The following STX7 variants were observed in gnomAD, a reference collection of about 807,000 sequenced individuals.
The protein encoded by STX7 is syntaxin 7.
A neutral mutation model predicts 39.6 loss-of-function variants in STX7; 34 were observed. The ratio of observed to expected loss-of-function variants is 0.86; its 90% CI spans 0.65 to 1.14. The LOEUF is 1.14. Ranked by LOEUF, STX7 falls within the 50% of genes most tolerant of loss-of-function variation. The pLI is 0.00. For synonymous variants in STX7, 119 were observed against 99.1 expected (o/e 1.20, Z -1.19); for missense variants, 284 against 310.4 (o/e 0.92, Z 0.64).
intron 6 of STX7, 29 bp downstream of exon 6, chr6:132,470,545 T>C: frequency 6.4e-7 from 1 of 1,560,582 alleles, no homozygotes; most frequent in South Asian, 1.2e-5. Context: ...AATTACCTTT[T>C]GATCTGTAAA....
Position 132,452,489 on chromosome 6 carries a change from C to A in STX7, c.*8269G>T, listed in dbSNP as rs1774155487. On this transcript the variant is annotated 3_prime_UTR_variant, in exon 10 of 10. Coordinates refer to ENST00000367941, the MANE Select transcript of STX7 (RefSeq NM_003569.3). Reference sequence around the variant, plus strand: ...TGACTATCTATATAAAAAAAAAATCCCAAGGAATCAATCAAAATCCCCTAA... The same window carrying A: ...TGACTATCTATATAAAAAAAAAATCACAAGGAATCAATCAAAATCCCCTAA... 1 of 151,772 alleles carries A rather than the reference C, an allele frequency of 6.6e-6. No homozygotes were observed. Among genetic ancestry groups the A allele is most frequent in the South Asian group, 2.1e-4 (1 of 4,816 alleles). The allele number at this position is 151,772 out of a possible 1,614,324, so 9.4% of individuals were successfully genotyped here. A position where few individuals can be genotyped will look rare whatever the true frequency, so the allele number is the denominator to read the frequency against.
Position 132,503,492 on chromosome 6 carries a change from C to T in STX7, c.39G>A (p.Gln13=), listed in dbSNP as rs760207182. 3.1e-6 allele frequency: 5 copies of T among 1,614,122 alleles called. No individual in the cohort carries two copies. Among genetic ancestry groups the T allele is most frequent in the Non-Finnish European group, 4.2e-6 (5 of 1,179,982 alleles). ...YTPGVGGDPA[Q]LAQRISSNIQ... Reference sequence around the variant, plus strand: ...TGTTAGAAGAGATCCTCTGGGCCAACTGGGCGGGGTCACCACCAACTCCTG... The same window carrying T: ...TGTTAGAAGAGATCCTCTGGGCCAATTGGGCGGGGTCACCACCAACTCCTG... Residue 13 remains glutamine (Q), a synonymous_variant, in exon 2 of 10, where the codon CAG becomes CAA. Coordinates refer to ENST00000367941, the MANE Select transcript of STX7 (RefSeq NM_003569.3).
intron 2 of STX7, among the ~76,000 whole-genome samples, chr6:132,502,359 C>T (rs1775587116): frequency 6.6e-6 from 1 of 151,944 alleles, no homozygotes. Flanking sequence ...TAACATACTC[C>T]GAAGGATGAA....
chr6:132,472,698 T>C (rs990511648), intron 3 of STX7, among the ~76,000 whole-genome samples: 1 of 152,226 alleles, frequency 6.6e-6, no homozygotes, highest in African/African-American at 2.4e-5. Context: ...ATGTTTGAGA[T>C]ACTGGGGATG....
At position 132,456,165 on chromosome 6, in the gene STX7, C is replaced by A. The variant is rs923729769; in HGVS notation, c.*4593G>T. 1.3e-5 allele frequency: 2 copies of A among 152,092 alleles called. No individual in the cohort carries two copies. Among genetic ancestry groups the A allele is most frequent in the African/African-American group, 4.8e-5 (2 of 41,396 alleles). The allele number at this position is 152,092 out of a possible 1,614,324, so 9.4% of individuals were successfully genotyped here. A position where few individuals can be genotyped will look rare whatever the true frequency, so the allele number is the denominator to read the frequency against. ...GGCTCCTTTTTGGAGCCATTACACA[C>A]AGATCATCACTCAAATCAGTAGTTT... On this transcript the variant is annotated 3_prime_UTR_variant, in exon 10 of 10. Coordinates refer to ENST00000367941, the MANE Select transcript of STX7 (RefSeq NM_003569.3).
At position 132,456,273 on chromosome 6, in the gene STX7, G is replaced by A. The variant is rs909617115; in HGVS notation, c.*4485C>T. The A allele has an allele frequency of 6.6e-6, 1 of 152,190 alleles. No homozygotes were observed. The highest frequency in any genetic ancestry group is 1.5e-5 in the Non-Finnish European group (1 of 68,034). 9.4% of individuals were successfully genotyped at this position (152,190 alleles called of 1,614,324 possible). Reference sequence around the variant, plus strand: ...TTCAGTTACTTAGTAAGGAAAACTGGATAAACAGGAGGCTGGTCCAAACGG... The same window carrying A: ...TTCAGTTACTTAGTAAGGAAAACTGAATAAACAGGAGGCTGGTCCAAACGG... On this transcript the variant is annotated 3_prime_UTR_variant, in exon 10 of 10. Transcript: ENST00000367941.
chr6:132,489,663 C>T (rs1362896562), intron 2 of STX7, among the ~76,000 whole-genome samples: 1 of 152,158 alleles, frequency 6.6e-6, no homozygotes, highest in Non-Finnish European at 1.5e-5. Context: ...AGGCTGGAAG[C>T]TCAATGGAGA....
At chr6:132,471,709 T>A in intron 4 of STX7, 109 bp from the exon 5 acceptor site, 1 of 1,177,720 alleles carries the variant, frequency 8.5e-7, no homozygotes, top group Non-Finnish European at 1.2e-6. Flanking sequence ...ACTCCCCAAT[T>A]ACAGGGCCTT....
chr6:132,459,876 A>C lies in STX7; in HGVS notation c.*882T>G, dbSNP rs1020141820. ...TTCCAAAAGTAATTTTGACCTAAAAATATTAACCATTATTCTATAAGACAT... is the reference window on the plus strand; with the variant it reads ...TTCCAAAAGTAATTTTGACCTAAAACTATTAACCATTATTCTATAAGACAT... On this transcript the variant is annotated 3_prime_UTR_variant, in exon 10 of 10. Transcript: ENST00000367941. 1 of 152,214 alleles carries C rather than the reference A, an allele frequency of 6.6e-6. No individual in the cohort carries two copies. Among genetic ancestry groups the C allele is most frequent in the African/African-American group, 2.4e-5 (1 of 41,454 alleles). The allele number at this position is 152,214 out of a possible 1,614,324, so 9.4% of individuals were successfully genotyped here.
intron 8 of STX7, 68 bp downstream of exon 8, chr6:132,468,335 G>T: frequency 8.1e-7 from 1 of 1,238,896 alleles, no homozygotes; most frequent in Non-Finnish European, 1.2e-6. Context: ...TCTTCTGTGA[G>T]AAAGTTACAG....
Position 132,449,015 on chromosome 6 carries a change from C to T in STX7, c.*11743G>A, listed in dbSNP as rs1774083635. On this transcript the variant is annotated 3_prime_UTR_variant, in exon 10 of 10. Coordinates refer to ENST00000367941, the MANE Select transcript of STX7 (RefSeq NM_003569.3). ...CATTTTGCTTCTTGTATATGTGGAT[C>T]CACTTTTTTTTTTTTTAGACAGGGT... 6.6e-6 allele frequency: 1 copy of T among 150,500 alleles called. No individual in the cohort carries two copies. The highest frequency in any genetic ancestry group is 1.5e-5 in the Non-Finnish European group (1 of 67,846). 9.3% of individuals were successfully genotyped at this position (150,500 alleles called of 1,614,324 possible). A position where few individuals can be genotyped will look rare whatever the true frequency, so the allele number is the denominator to read the frequency against.
rs773821853 is a variant in STX7, at chr6:132,470,555, A to G, written c.440+19T>C. The stretch of plus-strand genomic sequence containing the variant: ...TGAAAAATTACCTTTTGATCTGTAA[A>G]ATGTTTTGTATTTCTTACCTTTCCC... On this transcript the variant is annotated intron_variant, in intron 6 of 9. Transcript: ENST00000367941. 6.3e-7 allele frequency: 1 copy of G among 1,589,714 alleles called. No individual in the cohort carries two copies. Among genetic ancestry groups the G allele is most frequent in the Non-Finnish European group, 8.6e-7 (1 of 1,162,642 alleles).
intron 2 of STX7, among the ~76,000 whole-genome samples, chr6:132,496,326 A>G (rs555379981): frequency 1.9e-4 from 29 of 152,278 alleles, no homozygotes; most frequent in African/African-American, 6.5e-4. Context: ...TTACTATGTT[A>G]TTTAGGAGTT....
At chr6:132,465,433 A>G (rs1322229180) in intron 8 of STX7, among the ~76,000 whole-genome samples, 1 of 152,042 alleles carries the variant, frequency 6.6e-6, no homozygotes, top group Admixed American at 6.6e-5. Flanking sequence ...TTGGACAATC[A>G]CTTAGCCTCA....
At position 132,480,110 on chromosome 6, in the gene STX7, T is replaced by C. The variant is rs1582661435; in HGVS notation, c.86-4448A>G. On this transcript the variant is annotated intron_variant, in intron 2 of 9. Coordinates refer to ENST00000367941, the MANE Select transcript of STX7 (RefSeq NM_003569.3). ...CGACCCCATGCTTCTACCAGACTCC[T>C]AATCCACCTATTAGTCACAATCAAG... is the stretch of plus-strand genomic sequence containing the variant. 2.6e-5 allele frequency among the ~76,000 whole-genome samples: 4 copies of C among 152,250 alleles called. No homozygotes were observed. The South Asian group carries it at 8.3e-4, about 32-fold the overall frequency.
intron 1 of STX7, among the ~76,000 whole-genome samples, chr6:132,504,344 C>T (rs1324247516): frequency 1.3e-5 from 2 of 152,172 alleles, no homozygotes; most frequent in African/African-American, 4.8e-5. Flanking sequence ...TCTCCCCTTT[C>T]AGCAGCCAGC....
At chr6:132,498,386 G>A (rs1339135234) in intron 2 of STX7, among the ~76,000 whole-genome samples, 1 of 151,942 alleles carries the variant, frequency 6.6e-6, no homozygotes, top group Admixed American at 6.6e-5. Flanking sequence ...CCAAAAAAAT[G>A]GTTTAAAAAT....
intron 9 of STX7, among the ~76,000 whole-genome samples, chr6:132,462,720 A>C (rs1030801477): frequency 1.3e-5 from 2 of 152,056 alleles, no homozygotes; most frequent in African/African-American, 2.4e-5. Context: ...GGACAAAGAT[A>C]ATAAACAGGA....
At chr6:132,481,799 TA>T (rs1215086137) in intron 2 of STX7, among the ~76,000 whole-genome samples, 3 of 152,192 alleles carry the variant, frequency 2.0e-5, no homozygotes, top group African/African-American at 7.2e-5. Flanking sequence ...ACAAATGCTA[TA>T]ACAATGTTTC....
Sources: gnomAD v4.1 joint callset for allele counts (sites outside exome capture counted in the v4.1 genomes callset) on GRCh38, gnomAD v4.1.1 for gene constraint, MANE v1.5 for transcripts, NCBI Gene and HGNC (gene_info 2026-07-23, HGNC 2026-07-21) for gene names.